The following SNAPC3 variants were observed in gnomAD, a reference collection of about 807,000 sequenced individuals.
The protein encoded by SNAPC3 is snRNA-activating protein complex subunit 3.
SNAPC3 carries 56 observed loss-of-function variants against 47.7 expected under a neutral mutation model. That is an observed-to-expected ratio of 1.18 (90% CI 0.95 to 1.47). The LOEUF (loss-of-function observed/expected upper bound fraction) is 1.47, where lower values mean the gene tolerates loss of function less well. Among genes scored for constraint, SNAPC3 ranks in the 40% most tolerant of loss-of-function variants. The pLI, the probability that SNAPC3 is intolerant of heterozygous loss-of-function variation, is 0.00. For missense variants in SNAPC3, 665 were observed against 511.3 expected (o/e 1.30, Z -2.90); for synonymous variants, 235 against 189.9 (o/e 1.24, Z -1.95).
rs138322359 is a variant in SNAPC3, at chr9:15,449,101, G to A, written c.732+1857G>A. 1.2e-3 allele frequency among the ~76,000 whole-genome samples: 180 copies of A among 152,220 alleles called. 2 individuals carry two copies. The highest frequency in any genetic ancestry group is 4.0e-3 in the African/African-American group (167 of 41,534). On this transcript the variant is annotated intron_variant, in intron 5 of 8. Transcript: ENST00000380821. The stretch of plus-strand genomic sequence containing the variant: ...CTGGGATTACAAGGTGTGAGCCACC[G>A]TGCCTGGCCAAGATTTTTCTTTAAA...
intron 2 of SNAPC3, among the ~76,000 whole-genome samples, chr9:15,428,053 G>A (rs958194425): frequency 7.0e-6 from 1 of 143,158 alleles, no homozygotes; most frequent in East Asian, 2.2e-4. Flanking sequence ...GGAGGTTGCA[G>A]TGAGCTGAGA....
intron 3 of SNAPC3, among the ~76,000 whole-genome samples, chr9:15,438,899 C>T (rs1036678410): frequency 1.3e-4 from 20 of 152,060 alleles, no homozygotes; most frequent in African/African-American, 4.8e-4. Flanking sequence ...CTTTATTGAT[C>T]TTCTATCTAG....
At chr9:15,449,921 C>T (rs1218730435) in intron 5 of SNAPC3, among the ~76,000 whole-genome samples, 2 of 151,950 alleles carry the variant, frequency 1.3e-5, no homozygotes, top group African/African-American at 2.4e-5. Flanking sequence ...TTAGAGTTCA[C>T]CTTGTAATTA....
chr9:15,443,012 A>G (rs191115148), intron 3 of SNAPC3, among the ~76,000 whole-genome samples: 1 of 152,234 alleles, frequency 6.6e-6, no homozygotes, highest in South Asian at 2.1e-4. Flanking sequence ...CCACCAAAAA[A>G]ATATGAAAAC....
At chr9:15,456,116 C>T (rs958251529) in intron 7 of SNAPC3, among the ~76,000 whole-genome samples, 12 of 152,144 alleles carry the variant, frequency 7.9e-5, no homozygotes, top group Non-Finnish European at 1.0e-4. Context: ...TCAGGTGATC[C>T]GCCCACCTCA....
At position 15,457,964 on chromosome 9, in the gene SNAPC3, G is replaced by A. The variant is rs1219590851; in HGVS notation, c.985G>A (p.Val329Met). 1.3e-6 allele frequency: 2 copies of A among 1,569,126 alleles called. No homozygotes were observed. The highest frequency in any genetic ancestry group is 2.3e-5 in the East Asian group (1 of 43,806). Residue 329 changes from valine (V) to methionine (M), a missense_variant, in exon 8 of 9, where the codon GTG becomes ATG. Val to Met is a conservative substitution (Grantham distance 21). Transcript: ENST00000380821. ...HVIVITDIRL[V>M]HHDDCLDRTL... ...TTATTTTCCCACGAACAAAAGGCTT[G>A]TGCATCATGATGACTGCTTGGATAG...
At chr9:15,424,820 TC>T (rs2031142026) in intron 2 of SNAPC3, among the ~76,000 whole-genome samples, 1 of 152,206 alleles carries the variant, frequency 6.6e-6, no homozygotes, top group South Asian at 2.1e-4. Flanking sequence ...TACGCTATTA[TC>T]CCCCTCAAAT....
intron 3 of SNAPC3, 112 bp from the exon 4 acceptor site, chr9:15,444,490 G>C (rs967444359): frequency 1.6e-6 from 1 of 638,850 alleles, no homozygotes. Context: ...AGTATAATTA[G>C]GTGTCAAACC....
At position 15,460,753 on chromosome 9, in the gene SNAPC3, C is replaced by G. The variant is rs2035148519; in HGVS notation, c.*887C>G. On this transcript the variant is annotated 3_prime_UTR_variant, in exon 9 of 9. Coordinates refer to ENST00000380821, the MANE Select transcript of SNAPC3 (RefSeq NM_001039697.2). ...ATGTTAGGTTTTGTTTTGGAGGAAA[C>G]TAGGCATACAAGACATGTTAATAAG... 5 of 152,172 alleles carry G rather than the reference C, an allele frequency of 3.3e-5. No homozygotes were observed. The highest frequency in any genetic ancestry group is 3.3e-4 in the Admixed American group (5 of 15,284). The allele number at this position is 152,172 out of a possible 1,614,324, so 9.4% of individuals were successfully genotyped here.
rs2131708649 is a variant in SNAPC3, at chr9:15,423,121, G to C, written c.242G>C (p.Arg81Pro). The change falls in exon 1 of 9, where the codon CGG (arginine) becomes CCG (proline). Residue 81 changes from arginine to proline, a missense_variant. Physicochemically the swap from Arg to Pro is moderately radical, Grantham distance 103. Coordinates refer to ENST00000380821, the MANE Select transcript of SNAPC3 (RefSeq NM_001039697.2). ...GGGAGCCAGGCAGCTGACTCCGACC[G>C]GGAGGATGCCGCGGTGGCCAGGGAT... is the stretch of plus-strand genomic sequence containing the variant. ...LPGSQAADSD[R>P]EDAAVARDLD... 1 of 1,555,946 alleles carries C rather than the reference G, an allele frequency of 6.4e-7. No individual in the cohort carries two copies. The highest frequency in any genetic ancestry group is 8.6e-7 in the Non-Finnish European group (1 of 1,162,416).
chr9:15,424,205 A>G (rs923197494), intron 2 of SNAPC3, among the ~76,000 whole-genome samples: 2 of 152,164 alleles, frequency 1.3e-5, no homozygotes, highest in African/African-American at 2.4e-5. Flanking sequence ...TAGACATGAT[A>G]ATTTACCCGT....
At chr9:15,448,823 C>CT (rs36080756) in intron 5 of SNAPC3, among the ~76,000 whole-genome samples, 336 of 148,268 alleles carry the variant, frequency 2.3e-3, no homozygotes, top group Middle Eastern at 3.5e-3. Flanking sequence ...CTTTTTCTTT[C>CT]TTTTTTTTTT....
downstream of SNAPC3, chr9:15,466,688 CTG>C (rs969332218): frequency 6.0e-6 from 8 of 1,333,444 alleles, no homozygotes; most frequent in Admixed American, 6.5e-5. Flanking sequence ...TGGAACAGAA[CTG>C]TGATTAAAAA....
intron 3 of SNAPC3, among the ~76,000 whole-genome samples, chr9:15,437,050 C>T (rs991292572): frequency 1.3e-5 from 2 of 151,986 alleles, no homozygotes; most frequent in Non-Finnish European, 2.9e-5. Context: ...GTCTCCAACT[C>T]CCAGCCTCAG....
downstream of SNAPC3, chr9:15,464,568 CATG>C (rs1183835058): frequency 1.0e-5 from 2 of 198,898 alleles, no homozygotes; most frequent in African/African-American, 4.6e-5. Flanking sequence ...ACAATATAGC[CATG>C]ATTTCAAATA....
At position 15,423,143 on chromosome 9, in the gene SNAPC3, G is replaced by T. The variant is rs373734712; in HGVS notation, c.264G>T (p.Arg88Ser). The T allele has an allele frequency of 1.3e-6, 2 of 1,565,226 alleles. No individual in the cohort carries two copies. The highest frequency in any genetic ancestry group is 2.8e-5 in the African/African-American group (2 of 71,336). Residue 88 changes from arginine (R) to serine (S), a missense_variant, in exon 1 of 9, where the codon AGG becomes AGT. Coordinates refer to ENST00000380821, the MANE Select transcript of SNAPC3 (RefSeq NM_001039697.2). ...DSDREDAAVARDLDCSLEAAA... is the reference protein window; with the variant it reads ...DSDREDAAVASDLDCSLEAAA... ...ACCGGGAGGATGCCGCGGTGGCCAG[G>T]GATCTGGACTGCAGCCTGGAGGCGG...
At chr9:15,423,685 CT>C (rs771056750) in intron 1 of SNAPC3, among the ~76,000 whole-genome samples, 1 of 152,166 alleles carries the variant, frequency 6.6e-6, no homozygotes, top group Non-Finnish European at 1.5e-5. Flanking sequence ...ATAAAAATAA[CT>C]TTAATCTCTT....
At position 15,442,290 on chromosome 9, in the gene SNAPC3, G is replaced by T. The variant is rs1260845616; in HGVS notation, c.478-2312G>T. On this transcript the variant is annotated intron_variant, in intron 3 of 8. Transcript: ENST00000380821. ...CCTGGATGGGGCGGCTGGCCGGGCG[G>T]GGGCTGCCCCCCACCTCCCTCCCGG... Among the ~76,000 whole-genome samples, 18 of 151,046 alleles carry T rather than the reference G, an allele frequency of 1.2e-4. 1 individual carries two copies. The highest frequency in any genetic ancestry group is 2.0e-4 in the Admixed American group (3 of 15,214).
intron 7 of SNAPC3, among the ~76,000 whole-genome samples, chr9:15,455,158 A>G (rs543028779): frequency 6.6e-5 from 10 of 152,326 alleles, no homozygotes; most frequent in South Asian, 4.1e-4. Context: ...ATGGAAAACA[A>G]TTGCCCCTAG....
Sources: allele counts gnomAD v4.1 joint callset (sites outside exome capture counted in the v4.1 genomes callset), GRCh38; gene constraint gnomAD v4.1.1; transcripts MANE v1.5; gene names NCBI Gene and HGNC (gene_info 2026-07-23, HGNC 2026-07-21).